Variants in SKAP1 observed in about 807,000 individuals in gnomAD.
SKAP1 encodes the protein src kinase-associated phosphoprotein 1.
A neutral mutation model predicts 58.5 loss-of-function variants in SKAP1; 44 were observed. The ratio of observed to expected loss-of-function variants is 0.75; its 90% CI spans 0.59 to 0.97. The LOEUF is 0.97. Among genes scored for constraint, SKAP1 ranks in the 50% least tolerant of loss-of-function variants. SKAP1 has a pLI of 0.00. For synonymous variants in SKAP1, 127 were observed against 149.7 expected, an observed-to-expected ratio of 0.85 and a Z score of 1.11; for missense variants, 390 against 435.2, an observed-to-expected ratio of 0.90 and a Z score of 0.92.
chr17:48,437,741 C>CAAAAAAAAAAAAAA, the SKAP1 span, among the ~76,000 whole-genome samples: 1 of 65,540 alleles, frequency 1.5e-5, no homozygotes, highest in Non-Finnish European at 2.8e-5. Flanking sequence ...GACTCTGTCT[C>CAAAAAAAAAAAAAA]AAAAAAAAAA....
intron 4 of SKAP1, among the ~76,000 whole-genome samples, chr17:48,195,952 A>AT (rs1250427891): frequency 6.6e-6 from 1 of 152,260 alleles, no homozygotes; most frequent in Non-Finnish European, 1.5e-5. Context: ...AAGAAAAAAA[A>AT]GCAGATAATA....
At chr17:48,197,963 C>T (rs1295158075) in intron 4 of SKAP1, among the ~76,000 whole-genome samples, 2 of 152,184 alleles carry the variant, frequency 1.3e-5, no homozygotes, top group Non-Finnish European at 2.9e-5. Context: ...AAAAGCCCTT[C>T]TAACTCCAAG....
chr17:48,259,870 AT>A (rs2143924190), intron 4 of SKAP1, among the ~76,000 whole-genome samples: 1 of 152,290 alleles, frequency 6.6e-6, no homozygotes, highest in Admixed American at 6.5e-5. Context: ...GTGCATGTAA[AT>A]TTCCAAACTG....
chr17:48,196,129 G>A (rs1187480395), intron 4 of SKAP1, among the ~76,000 whole-genome samples: 1 of 152,154 alleles, frequency 6.6e-6, no homozygotes, highest in African/African-American at 2.4e-5. Flanking sequence ...GGAAACTGAG[G>A]TGTAATGAAA....
intron 4 of SKAP1, among the ~76,000 whole-genome samples, chr17:48,332,292 G>A (rs957527978): frequency 6.6e-6 from 1 of 151,838 alleles, no homozygotes; most frequent in Non-Finnish European, 1.5e-5. Context: ...TTGTTGAATA[G>A]GCTTACTTTT....
chr17:48,407,656 C>T (rs796879277), intron 1 of SKAP1, among the ~76,000 whole-genome samples: 4 of 152,118 alleles, frequency 2.6e-5, no homozygotes, highest in South Asian at 2.1e-4. Flanking sequence ...CCCAGGGGTT[C>T]GAGACCAGCG....
At chr17:48,424,243 GA>G (rs2067829557) in intron 1 of SKAP1, among the ~76,000 whole-genome samples, 1 of 9,708 alleles carries the variant, frequency 1.0e-4, no homozygotes, top group South Asian at 2.3e-3. Context: ...TTTTTTTTTT[GA>G]GAACGGAGTC....
chr17:48,342,757 G>A (rs1166666281), intron 4 of SKAP1, among the ~76,000 whole-genome samples: 7 of 152,152 alleles, frequency 4.6e-5, no homozygotes, highest in East Asian at 1.9e-4. Context: ...AGGCCAAGGC[G>A]GGTGGATCAC....
chr17:48,389,959 T>TA (rs1364331361), intron 2 of SKAP1, among the ~76,000 whole-genome samples: 2 of 152,148 alleles, frequency 1.3e-5, no homozygotes, highest in Non-Finnish European at 2.9e-5. Flanking sequence ...AACATTTATT[T>TA]AAAAAAATAA....
Position 48,310,496 on chromosome 17 carries a change from T to C in SKAP1, c.280+35409A>G, listed in dbSNP as rs113789140. On this transcript the variant is annotated intron_variant, in intron 4 of 12. Transcript: ENST00000336915. ...AATAGAATGTGTATGATTACAGCTG[T>C]TCATATTTTCACTCTAATGAAGGGC... Among the ~76,000 whole-genome samples the C allele has an allele frequency of 2.6e-5, 4 of 152,320 alleles. 1 individual carries two copies. Among genetic ancestry groups the C allele is most frequent in the South Asian group, 2.1e-4 (1 of 4,824 alleles).
chr17:48,185,141 T>G, intron 6 of SKAP1: 5 of 255,278 alleles, frequency 2.0e-5, no homozygotes, highest in East Asian at 1.1e-4. Flanking sequence ...AAGAAGGAAT[T>G]ATTACAGCAG....
chr17:48,411,171 G>A (rs925190979), intron 1 of SKAP1, among the ~76,000 whole-genome samples: 19 of 152,042 alleles, frequency 1.2e-4, no homozygotes, highest in East Asian at 1.9e-4. Context: ...AAGCTGAGAC[G>A]GGCAGATCAC....
chr17:48,151,823 G>A (rs907345668), intron 11 of SKAP1, among the ~76,000 whole-genome samples: 9 of 152,108 alleles, frequency 5.9e-5, no homozygotes, highest in African/African-American at 2.2e-4. Context: ...GAACATTTCT[G>A]CATTTAAAAG....
chr17:48,403,990 G>C (rs1414913074), intron 1 of SKAP1, among the ~76,000 whole-genome samples: 1 of 151,748 alleles, frequency 6.6e-6, no homozygotes, highest in Non-Finnish European at 1.5e-5. Flanking sequence ...TTGGGAGGCT[G>C]AGGCAGGAGA....
At chr17:48,260,629 G>A (rs777267781) in intron 4 of SKAP1, among the ~76,000 whole-genome samples, 2 of 152,084 alleles carry the variant, frequency 1.3e-5, no homozygotes, top group Non-Finnish European at 2.9e-5. Context: ...AACACTGGAG[G>A]GGTGTGTGTG....
At chr17:48,370,572 C>A (rs1785149521) in intron 2 of SKAP1, among the ~76,000 whole-genome samples, 1 of 152,118 alleles carries the variant, frequency 6.6e-6, no homozygotes, top group African/African-American at 2.4e-5. Flanking sequence ...GCTCGGATTA[C>A]AAGCGTGAGC....
chr17:48,349,183 T>G (rs1421002103), intron 3 of SKAP1, among the ~76,000 whole-genome samples: 1 of 152,234 alleles, frequency 6.6e-6, no homozygotes, highest in Non-Finnish European at 1.5e-5. Flanking sequence ...ATTGTGGTCA[T>G]TTTGGATTTG....
intron 4 of SKAP1, among the ~76,000 whole-genome samples, chr17:48,264,068 C>A (rs1260697437): frequency 6.7e-6 from 1 of 149,312 alleles, no homozygotes; most frequent in South Asian, 2.1e-4. Flanking sequence ...TTTTTTTTAT[C>A]TAACTTAAAA....
chr17:48,242,744 G>T (rs967721022), intron 4 of SKAP1, among the ~76,000 whole-genome samples: 1 of 152,174 alleles, frequency 6.6e-6, no homozygotes, highest in Non-Finnish European at 1.5e-5. Context: ...TAATAGGAAG[G>T]CCATTTGATA....
Sources: allele counts gnomAD v4.1 joint callset (sites outside exome capture counted in the v4.1 genomes callset), GRCh38; gene constraint gnomAD v4.1.1; transcripts MANE v1.5; gene names NCBI Gene and HGNC (gene_info 2026-07-23, HGNC 2026-07-21).